The following PRRC2A variants were observed in gnomAD, a reference collection of about 807,000 sequenced individuals.
The protein encoded by PRRC2A is protein PRRC2A.
In PRRC2A, 59 loss-of-function variants were observed where a neutral mutation model predicts 224.6. The observed-to-expected ratio is 0.26, with a 90% CI of 0.21 to 0.33. PRRC2A has a LOEUF of 0.33. Ranked by LOEUF, PRRC2A falls within the 10% of genes least tolerant of loss-of-function variation. The pLI is 1.00. For missense variants in PRRC2A, 3,095 were observed against 2,880.7 expected (o/e 1.07, Z -1.70); for synonymous variants, 1,194 against 1,109.5 (o/e 1.08, Z -1.51).
chr6:31,637,604 C>T lies in PRRC2A; in HGVS notation c.*18C>T. The T allele has an allele frequency of 6.6e-7, 1 of 1,525,828 alleles. No homozygotes were observed. The highest frequency in any genetic ancestry group is 8.8e-7 in the Non-Finnish European group (1 of 1,138,128). The allele number at this position is 1,525,828 out of a possible 1,614,324, so 94.5% of individuals were successfully genotyped here. A position where few individuals can be genotyped will look rare whatever the true frequency, so the allele number is the denominator to read the frequency against. On this transcript the variant is annotated 3_prime_UTR_variant, in exon 31 of 31. Coordinates refer to ENST00000376033, the MANE Select transcript of PRRC2A (RefSeq NM_004638.4). ...CCCGCTGAGGGAGTTCCTCTTGCCCCCTACCCCCGGGGCTTGTATATAGAT... is the reference window on the plus strand; with the variant it reads ...CCCGCTGAGGGAGTTCCTCTTGCCCTCTACCCCCGGGGCTTGTATATAGAT...
In PRRC2A at chr6:31,628,185, AGTG is replaced by A. The variant is rs781378809; in HGVS notation, c.1719_1721del (p.Gly574del). 34 of 1,612,784 alleles carry A rather than the reference AGTG, an allele frequency of 2.1e-5. No homozygotes were observed. The highest frequency in any genetic ancestry group is 2.9e-5 in the Non-Finnish European group (34 of 1,180,018). ...TGTGGCTGCGGCTCCCACTCTGGTG[AGTG>A]GTGGTGGCAGTACCAGTAGCACCAG... On this transcript the variant is annotated inframe_deletion, in exon 12 of 31. Transcript: ENST00000376033.
At position 31,625,970 on chromosome 6, in the gene PRRC2A, C is replaced by A. The variant is rs745397253; in HGVS notation, c.840-50C>A. The A allele has an allele frequency of 3.7e-6, 6 of 1,602,400 alleles. No homozygotes were observed. Among genetic ancestry groups the A allele is most frequent in the Non-Finnish European group, 5.1e-6 (6 of 1,173,082 alleles). ...AGGAGGCTCAGTCTAGGATCAGTCT[C>A]GCATGTGGTTATACAACATGCCATA... On this transcript the variant is annotated intron_variant, in intron 8 of 30. Coordinates refer to ENST00000376033, the MANE Select transcript of PRRC2A (RefSeq NM_004638.4). This position sits in a 1 kb window ranked among gnomAD's most constrained non-coding sequence, Gnocchi z 4.1.
At position 31,627,233 on chromosome 6, in the gene PRRC2A, C is replaced by A; in HGVS notation, c.1290+35C>A. ...TCCAATAAGGGATTGAGAGGGTCAGCTGTGGGAAATTGGTGTCAGCTGAGT... is the reference window on the plus strand; with the variant it reads ...TCCAATAAGGGATTGAGAGGGTCAGATGTGGGAAATTGGTGTCAGCTGAGT... On this transcript the variant is annotated intron_variant, in intron 11 of 30. Coordinates refer to ENST00000376033, the MANE Select transcript of PRRC2A (RefSeq NM_004638.4). The surrounding 1 kb of genome is among the most constrained non-coding windows in gnomAD (Gnocchi z 5.6). The A allele has an allele frequency of 6.9e-7, 1 of 1,449,306 alleles. No individual in the cohort carries two copies. The highest frequency in any genetic ancestry group is 9.6e-7 in the Non-Finnish European group (1 of 1,045,988). 89.8% of individuals were successfully genotyped at this position (1,449,306 alleles called of 1,614,324 possible).
chr6:31,625,118 C>T lies in PRRC2A; in HGVS notation c.464-53C>T, dbSNP rs746537176. On this transcript the variant is annotated intron_variant, in intron 5 of 30. Coordinates refer to ENST00000376033, the MANE Select transcript of PRRC2A (RefSeq NM_004638.4). This position sits in a 1 kb window ranked among gnomAD's most constrained non-coding sequence, Gnocchi z 4.1. ...CAGCCAGAGTCTTCCACTTTTATAG[C>T]ATGTCCTCAGGAAATGTCTTCTGTC... The T allele has an allele frequency of 5.7e-6, 9 of 1,575,144 alleles. No homozygotes were observed. In the East Asian group the frequency reaches 1.1e-4, roughly 20 times the overall value.
In PRRC2A at chr6:31,622,851, A is replaced by G. The variant is rs1169794411; in HGVS notation, c.62A>G (p.Asn21Ser). 4.3e-6 allele frequency: 7 copies of G among 1,614,048 alleles called. No homozygotes were observed. The highest frequency in any genetic ancestry group is 3.3e-5 in the South Asian group (3 of 91,076). Residue 21 changes from asparagine to serine, a missense_variant, in exon 2 of 31, where the codon AAC becomes AGC. Asn to Ser is a conservative substitution (Grantham distance 46, BLOSUM62 1). This residue lies in a region of PRRC2A where 64 missense variants were observed against 68.2 expected (regional missense o/e 0.94). Transcript: ENST00000376033. Reference sequence around the variant, plus strand: ...GATGGAAAGAAGTATTCCTCGCTCAACCTGTTTGATACGTATAAGGGCAAG... The same window carrying G: ...GATGGAAAGAAGTATTCCTCGCTCAGCCTGTTTGATACGTATAAGGGCAAG... ...GKDGKKYSSL[N>S]LFDTYKGKSL... is the part of the protein sequence containing the mutation.
chr6:31,630,494 A>T, intron 14 of PRRC2A, 97 bp from the exon 15 acceptor site: 4 of 1,232,958 alleles, frequency 3.2e-6, no homozygotes, highest in Non-Finnish European at 4.6e-6. Context: ...GGAACAAGAG[A>T]TGGAAGAGCT....
Position 31,634,232 on chromosome 6 carries a change from G to A in PRRC2A, c.4720-4G>A, listed in dbSNP as rs1777046818. On this transcript the variant is annotated splice_polypyrimidine_tract_variant and splice_region_variant and intron_variant, in intron 18 of 30. Transcript: ENST00000376033. ...GTTTTGCTTCTGGCCCTTCTCATCT[G>A]TAGGAATCTTTGCCACCTCCTCATA... 1.3e-6 allele frequency: 2 copies of A among 1,583,380 alleles called. No homozygotes were observed. Among genetic ancestry groups the A allele is most frequent in the Non-Finnish European group, 1.7e-6 (2 of 1,171,096 alleles).
At chr6:31,622,927 G>A in intron 2 of PRRC2A, 26 bp downstream of exon 2, 1 of 1,584,782 alleles carries the variant, frequency 6.3e-7, no homozygotes, top group South Asian at 1.1e-5. Context: ...AGATGCTTCT[G>A]ATGGTTGAAA....
chr6:31,627,063 G>A lies in PRRC2A; in HGVS notation c.1155G>A (p.Pro385=), dbSNP rs189765605. 8.1e-6 allele frequency: 13 copies of A among 1,614,060 alleles called. No individual in the cohort carries two copies. The highest frequency in any genetic ancestry group is 1.3e-5 in the African/African-American group (1 of 74,920). ...AGGGCAACTCCCCCAACAGCGAACCGCCCACTCCTAAGACGGCCTGGGCAG... is the reference window on the plus strand; with the variant it reads ...AGGGCAACTCCCCCAACAGCGAACCACCCACTCCTAAGACGGCCTGGGCAG... The part of the protein sequence containing the change: ...GKKGNSPNSE[P]PTPKTAWAET... Residue 385 remains proline (P), a synonymous_variant, in exon 11 of 31, where the codon CCG becomes CCA. Transcript: ENST00000376033. This position sits in a 1 kb window ranked among gnomAD's most constrained non-coding sequence, Gnocchi z 5.6.
At chr6:31,624,122 A>T in intron 3 of PRRC2A, 139 bp from the exon 4 acceptor site, 1 of 1,101,586 alleles carries the variant, frequency 9.1e-7, no homozygotes, top group Non-Finnish European at 1.3e-6. Flanking sequence ...ACAACAGCCT[A>T]CAAAGGATGA....
chr6:31,623,673 G>C (rs1775570021), intron 2 of PRRC2A, 59 bp from the exon 3 acceptor site: 1 of 1,557,234 alleles, frequency 6.4e-7, no homozygotes, highest in Admixed American at 1.7e-5. Flanking sequence ...CCCAGGATAG[G>C]AGGCCATCAG....
rs760527483 is a variant in PRRC2A at position 31,623,736 on chromosome 6, C to T, written c.117C>T (p.Ala39=). ...TCTCTCCGTCTTGTTCTCCAGTTGCCCCTCGCCATGGCCTGCAGAGTCTCG... is the reference window on the plus strand; with the variant it reads ...TCTCTCCGTCTTGTTCTCCAGTTGCTCCTCGCCATGGCCTGCAGAGTCTCG... The part of the protein sequence containing the change: ...KSLEIQKPAV[A]PRHGLQSLGK... The change falls in exon 3 of 31, where the codon GCC becomes GCT. Residue 39 remains alanine, a synonymous_variant. Coordinates refer to ENST00000376033, the MANE Select transcript of PRRC2A (RefSeq NM_004638.4). The T allele has an allele frequency of 2.5e-6, 4 of 1,614,070 alleles. No individual in the cohort carries two copies. The highest frequency in any genetic ancestry group is 1.6e-4 in the Middle Eastern group (1 of 6,062).
At chr6:31,620,933 C>T (rs1215405482) in intron 1 of PRRC2A, 75 bp downstream of exon 1, 3 of 157,152 alleles carry the variant, frequency 1.9e-5, no homozygotes, top group African/African-American at 4.8e-5. Flanking sequence ...GTGGCGGCGG[C>T]GGCGGCGGTG....
Position 31,637,248 on chromosome 6 carries a change from T to C in PRRC2A, c.6257T>C (p.Leu2086Pro). 6.2e-7 allele frequency: 1 copy of C among 1,612,012 alleles called. No individual in the cohort carries two copies. The highest frequency in any genetic ancestry group is 8.5e-7 in the Non-Finnish European group (1 of 1,179,086). Reference protein sequence around the residue: ...TPPTGRSFSGLNSRLKATPST... With the variant: ...TPPTGRSFSGPNSRLKATPST... ...TCTTCCCTTAGGTCCTTCTCTGGCC[T>C]CAATTCCCGTCTCAAGGCCACGCCT... The change falls in exon 30 of 31, where the codon CTC becomes CCC. Residue 2086 changes from leucine (L) to proline (P), a missense_variant. This residue lies in a region of PRRC2A where 662 missense variants were observed against 609.5 expected (regional missense o/e 1.09). Coordinates refer to ENST00000376033, the MANE Select transcript of PRRC2A (RefSeq NM_004638.4).
In PRRC2A at chr6:31,626,758, A is replaced by G. The variant is rs1490992999; in HGVS notation, c.983-14A>G. 2 of 1,563,096 alleles carry G rather than the reference A, an allele frequency of 1.3e-6. No individual in the cohort carries two copies. Among genetic ancestry groups the G allele is most frequent in the Admixed American group, 1.9e-5 (1 of 51,582 alleles). On this transcript the variant is annotated splice_polypyrimidine_tract_variant and intron_variant, in intron 9 of 30. Coordinates refer to ENST00000376033, the MANE Select transcript of PRRC2A (RefSeq NM_004638.4). ...CAGAATGCTTGGGTTACTAATACTC[A>G]TATTTCCCCTCAGGGGCCCATGAAG...
rs1478559403 is a variant in PRRC2A, at chr6:31,631,144, A to C, written c.2471A>C (p.Glu824Ala). The C allele has an allele frequency of 2.7e-6, 4 of 1,508,372 alleles. No homozygotes were observed. The Admixed American group carries it at 8.9e-5, about 34-fold the overall frequency. 93.4% of individuals were successfully genotyped at this position (1,508,372 alleles called of 1,614,324 possible). A position where few individuals can be genotyped will look rare whatever the true frequency, so the allele number is the denominator to read the frequency against. ...CTTTCTGTCTGTCTCTTCAGGAGCG[A>C]GACTCCTCCAGTACCTCCCCCACCA... ...ADEDDKGMRS[E>A]TPPVPPPPPY... Residue 824 changes from glutamate (E) to alanine (A), a missense_variant, in exon 16 of 31, where the codon GAG (glutamate) becomes GCG (alanine). Glu to Ala is a moderately radical substitution (Grantham distance 107). Transcript: ENST00000376033. This position sits in a 1 kb window ranked among gnomAD's most constrained non-coding sequence, Gnocchi z 4.5.
At position 31,631,961 on chromosome 6, in the gene PRRC2A, A is replaced by C. The variant is rs1030594864; in HGVS notation, c.3288A>C (p.Glu1096Asp). The change falls in exon 16 of 31, where the codon GAA becomes GAC. Residue 1096 changes from glutamate to aspartate, a missense_variant. By Grantham distance (45) the Glu-to-Asp change is conservative. Coordinates refer to ENST00000376033, the MANE Select transcript of PRRC2A (RefSeq NM_004638.4). This position sits in a 1 kb window ranked among gnomAD's most constrained non-coding sequence, Gnocchi z 4.5. ...ETRSEGSEYE[E>D]IPKRRRQRGS... Reference sequence around the variant, plus strand: ...GGAGCGAGGGTTCAGAGTATGAGGAAATCCCCAAGCGGCGCCGGCAGCGGG... The same window carrying C: ...GGAGCGAGGGTTCAGAGTATGAGGACATCCCCAAGCGGCGCCGGCAGCGGG... The C allele has an allele frequency of 3.7e-6, 6 of 1,612,692 alleles. No homozygotes were observed. In the African/African-American group the frequency reaches 5.3e-5, roughly 14 times the overall value.
chr6:31,633,134 T>G, intron 16 of PRRC2A, 142 bp downstream of exon 16: 3 of 1,261,794 alleles, frequency 2.4e-6, no homozygotes, highest in Middle Eastern at 2.7e-4. Flanking sequence ...TTTCCATGTC[T>G]GGCTAAGGCA....
At position 31,632,409 on chromosome 6, in the gene PRRC2A, G is replaced by A; in HGVS notation, c.3736G>A (p.Gly1246Arg). 6.2e-7 allele frequency: 1 copy of A among 1,609,706 alleles called. No individual in the cohort carries two copies. The highest frequency in any genetic ancestry group is 8.5e-7 in the Non-Finnish European group (1 of 1,177,668). The change falls in exon 16 of 31, where the codon GGG becomes AGG. Residue 1246 changes from glycine to arginine, a missense_variant. Gly to Arg is a moderately radical substitution (Grantham distance 125). Coordinates refer to ENST00000376033, the MANE Select transcript of PRRC2A (RefSeq NM_004638.4). ...DGERPRRRRHGRAQQQDKPPR... is the reference protein window; with the variant it reads ...DGERPRRRRHRRAQQQDKPPR... ...GGAGCGACCCCGAAGGAGGCGACATGGGAGGGCTCAGCAGCAGGATAAACC... is the reference window on the plus strand; with the variant it reads ...GGAGCGACCCCGAAGGAGGCGACATAGGAGGGCTCAGCAGCAGGATAAACC...
Sources: gnomAD v4.1 joint callset for allele counts on GRCh38, gnomAD v4.1.1 for gene constraint, gnomAD v4.1.1 regional missense constraint, Gnocchi (gnomAD v3.1) non-coding constraint, MANE v1.5 for transcripts, NCBI Gene and HGNC (gene_info 2026-07-23, HGNC 2026-07-21) for gene names.